The following SETBP1 variants were observed in gnomAD, a reference collection of about 807,000 sequenced individuals.
SETBP1 encodes the protein SET-binding protein.
Under a neutral mutation model 101.0 loss-of-function variants are expected in SETBP1, and 9 were observed. That is an observed-to-expected ratio of 0.09 (90% CI 0.05 to 0.16). The LOEUF is 0.16. SETBP1 is among the 10% of genes least tolerant of loss of function. The pLI is 1.00. For missense variants in SETBP1, 1,858 were observed against 2,033.8 expected, an observed-to-expected ratio of 0.91 and a Z score of 1.66; for synonymous variants, 818 against 788.5, an observed-to-expected ratio of 1.04 and a Z score of -0.63.
intron 3 of SETBP1, chr18:44,876,582 G>A (rs78901184): frequency 6.4e-7 from 1 of 1,550,730 alleles, no homozygotes. Flanking sequence ...ACTCCAGTAA[G>A]GAGGAAGTCT....
At chr18:44,971,622 AC>A (rs1396081611) in intron 4 of SETBP1, among the ~76,000 whole-genome samples, 1 of 152,182 alleles carries the variant, frequency 6.6e-6, no homozygotes, top group Non-Finnish European at 1.5e-5. Context: ...TTCTCTGATG[AC>A]CAGTGATGAC....
chr18:44,819,025 C>A (rs2072047298), intron 2 of SETBP1, among the ~76,000 whole-genome samples: 1 of 151,566 alleles, frequency 6.6e-6, no homozygotes, highest in African/African-American at 2.4e-5. Context: ...CACACATTTA[C>A]TTTAATGGTT....
chr18:44,878,403 T>C (rs2069457754), intron 3 of SETBP1, among the ~76,000 whole-genome samples: 1 of 152,198 alleles, frequency 6.6e-6, no homozygotes, highest in South Asian at 2.1e-4. Context: ...TCTCCTGTAA[T>C]TCTGCTCACT....
intron 2 of SETBP1, among the ~76,000 whole-genome samples, chr18:44,711,087 T>G (rs2069328693): frequency 6.6e-6 from 1 of 152,202 alleles, no homozygotes; most frequent in African/African-American, 2.4e-5. Flanking sequence ...GAGCCCCCGC[T>G]GCTGGGGGAG....
chr18:44,868,740 A>G (rs1385046788), intron 2 of SETBP1, among the ~76,000 whole-genome samples: 2 of 59,278 alleles, frequency 3.4e-5, no homozygotes, highest in African/African-American at 9.0e-5. Flanking sequence ...GGAAGGAAGG[A>G]AGGAAGGAAG....
intron 2 of SETBP1, among the ~76,000 whole-genome samples, chr18:44,826,816 G>A (rs747611363): frequency 6.6e-6 from 1 of 152,140 alleles, no homozygotes; most frequent in Non-Finnish European, 1.5e-5. Context: ...AACAAAGGAG[G>A]CCCCTGCAGA....
At chr18:44,909,131 G>A (rs538920221) in intron 3 of SETBP1, among the ~76,000 whole-genome samples, 1 of 152,280 alleles carries the variant, frequency 6.6e-6, no homozygotes, top group Admixed American at 6.5e-5. Flanking sequence ...GTGGGATGTG[G>A]TTACTCTCAG....
chr18:44,869,229 G>A lies in SETBP1; in HGVS notation c.487-1G>A, dbSNP rs147805077. The A allele has an allele frequency of 1.5e-5, 24 of 1,613,868 alleles. No homozygotes were observed. In the African/African-American group the frequency reaches 3.1e-4, roughly 21 times the overall value. On this transcript the variant is annotated splice_acceptor_variant, in intron 2 of 5. Coordinates refer to ENST00000649279, the MANE Select transcript of SETBP1 (RefSeq NM_015559.3). LOFTEE classifies it high-confidence loss of function. Reference sequence around the variant, plus strand: ...GAGAAAATTTCTTTATTCTTTTGCAGCTCCTCACAGCCAGTGACCTTGCAG... The same window carrying A: ...GAGAAAATTTCTTTATTCTTTTGCAACTCCTCACAGCCAGTGACCTTGCAG...
chr18:45,053,669 T>G (rs965522777), intron 5 of SETBP1, among the ~76,000 whole-genome samples: 1 of 152,222 alleles, frequency 6.6e-6, no homozygotes, highest in African/African-American at 2.4e-5. Context: ...AGTTCTAGCA[T>G]GGTCAACAGG....
At chr18:44,818,675 G>A (rs940210374) in intron 2 of SETBP1, among the ~76,000 whole-genome samples, 4 of 151,940 alleles carry the variant, frequency 2.6e-5, no homozygotes, top group African/African-American at 9.7e-5. Context: ...ACTACTATTT[G>A]TGATACTTAT....
chr18:44,875,693 A>G (rs1013615806), intron 3 of SETBP1, among the ~76,000 whole-genome samples: 17 of 152,242 alleles, frequency 1.1e-4, no homozygotes, highest in African/African-American at 4.1e-4. Flanking sequence ...ATGCCGGAAG[A>G]TGTTCTTTGA....
chr18:44,725,366 T>C (rs2069683921), intron 2 of SETBP1, among the ~76,000 whole-genome samples: 1 of 152,324 alleles, frequency 6.6e-6, no homozygotes, highest in Non-Finnish European at 1.5e-5. Context: ...ATGAGTTACC[T>C]GTACTGTCCA....
At chr18:44,873,179 C>A (rs1401256574) in intron 3 of SETBP1, among the ~76,000 whole-genome samples, 1 of 152,200 alleles carries the variant, frequency 6.6e-6, no homozygotes, top group Non-Finnish European at 1.5e-5. Context: ...AACAGGCATC[C>A]ATGGAAGACC....
At chr18:44,765,661 A>G (rs1021088886) in intron 2 of SETBP1, among the ~76,000 whole-genome samples, 2 of 152,204 alleles carry the variant, frequency 1.3e-5, no homozygotes, top group African/African-American at 4.8e-5. Context: ...CAGAAGTGCT[A>G]TTCTTTATTA....
intron 2 of SETBP1, among the ~76,000 whole-genome samples, chr18:44,860,472 C>T (rs887192443): frequency 2.0e-4 from 30 of 152,162 alleles, no homozygotes; most frequent in Non-Finnish European, 3.8e-4. Flanking sequence ...ATTGGCCAGG[C>T]GCAGTGGCTC....
At chr18:45,027,990 CT>C (rs1329110397) in intron 4 of SETBP1, among the ~76,000 whole-genome samples, 1 of 151,874 alleles carries the variant, frequency 6.6e-6, no homozygotes, top group Admixed American at 6.6e-5. Flanking sequence ...GACCCTGTTT[CT>C]TTTTTCTTTT....
At chr18:44,731,665 C>A (rs1020661606) in intron 2 of SETBP1, among the ~76,000 whole-genome samples, 18 of 152,092 alleles carry the variant, frequency 1.2e-4, no homozygotes, top group Non-Finnish European at 4.4e-5. Flanking sequence ...CGCACGCACA[C>A]ACACACACAT....
At chr18:44,803,073 G>A (rs2071641458) in intron 2 of SETBP1, among the ~76,000 whole-genome samples, 1 of 152,066 alleles carries the variant, frequency 6.6e-6, no homozygotes, top group Non-Finnish European at 1.5e-5. Context: ...ACCAGAGAAG[G>A]TCTCGGGAGA....
chr18:44,715,182 G>A (rs532581097), intron 2 of SETBP1, among the ~76,000 whole-genome samples: 1 of 152,172 alleles, frequency 6.6e-6, no homozygotes, highest in East Asian at 1.9e-4. Context: ...AACTCACCTG[G>A]TTGTTTCTGC....
Sources: gnomAD v4.1 joint callset for allele counts (sites outside exome capture counted in the v4.1 genomes callset) on GRCh38, gnomAD v4.1.1 for gene constraint, MANE v1.5 for transcripts, NCBI Gene and HGNC (gene_info 2026-07-23, HGNC 2026-07-21) for gene names.